The following ARHGAP6 variants were observed in gnomAD, a reference collection of about 807,000 sequenced individuals.
ARHGAP6 encodes the protein rho GTPase-activating protein 6.
A neutral mutation model predicts 55.7 loss-of-function variants in ARHGAP6; 16 were observed. The ratio of observed to expected loss-of-function variants is 0.29; its 90% CI spans 0.19 to 0.44. The LOEUF is 0.44. ARHGAP6 is among the 20% of genes least tolerant of loss of function. The pLI is 1.00. For missense variants in ARHGAP6, 698 were observed against 808.9 expected (o/e 0.86, Z 1.66); for synonymous variants, 382 against 360.9 (o/e 1.06, Z -0.66).
At chrX:11,657,885 C>A (rs1444777714) in intron 1 of ARHGAP6, among the ~76,000 whole-genome samples, 2 of 111,460 alleles carry the variant, frequency 1.8e-5, no homozygotes, top group Admixed American at 1.9e-4. Flanking sequence ...AGGGAGGGGA[C>A]GTGGTACTCT....
At chrX:11,359,685 A>G (rs2048982717) in intron 1 of ARHGAP6, among the ~76,000 whole-genome samples, 1 of 105,847 alleles carries the variant, frequency 9.4e-6, no homozygotes, top group African/African-American at 3.4e-5. Flanking sequence ...TAGAGACACA[A>G]AAAACCCTTC....
intron 1 of ARHGAP6, among the ~76,000 whole-genome samples, chrX:11,453,975 G>A (rs1603215043): frequency 9.0e-6 from 1 of 111,044 alleles, no homozygotes; most frequent in African/African-American, 3.3e-5. Flanking sequence ...ATGGAGTCTC[G>A]CTCTGTTGCC....
At chrX:11,477,172 A>C (rs1403192429) in intron 1 of ARHGAP6, among the ~76,000 whole-genome samples, 10 of 109,322 alleles carry the variant, frequency 9.1e-5, no homozygotes, top group African/African-American at 9.9e-5. Flanking sequence ...AAAAAAAAAA[A>C]AACAATTTTT....
Position 11,188,944 on chromosome X carries a change from G to T in ARHGAP6, c.861C>A (p.Val287=). ...PQAFGMPLSQ[V]IANDRAYKLK... ...GTTTATAGGCCCTGTCATTCGCAAT[G>T]ACTTGGGATAAGGGCATTCCAAATG... The change falls in exon 4 of 13, where the codon GTC becomes GTA. Residue 287 remains valine, a synonymous_variant. Transcript: ENST00000337414. 1.7e-6 allele frequency: 2 copies of T among 1,211,525 alleles called. No homozygotes were observed. The highest frequency in any genetic ancestry group is 2.2e-6 in the Non-Finnish European group (2 of 895,417).
At chrX:11,621,455 G>T (rs1294393518) in intron 1 of ARHGAP6, among the ~76,000 whole-genome samples, 1 of 108,212 alleles carries the variant, frequency 9.2e-6, no homozygotes, top group Non-Finnish European at 1.9e-5. Context: ...ATAAGAATAG[G>T]TGAATATAAA....
intron 1 of ARHGAP6, among the ~76,000 whole-genome samples, chrX:11,418,612 G>T (rs1442022677): frequency 1.8e-5 from 2 of 111,240 alleles, no homozygotes; most frequent in African/African-American, 6.5e-5. Context: ...TTAGACCAGG[G>T]CACTTTAAAG....
intron 10 of ARHGAP6, among the ~76,000 whole-genome samples, chrX:11,149,025 G>T (rs1185675332): frequency 3.6e-5 from 4 of 112,024 alleles, no homozygotes; most frequent in Non-Finnish European, 7.5e-5. Context: ...TAGGGATAAA[G>T]GTACCCCACT....
intron 1 of ARHGAP6, among the ~76,000 whole-genome samples, chrX:11,475,058 G>T (rs1052611072): frequency 1.8e-5 from 2 of 111,060 alleles, no homozygotes; most frequent in East Asian, 5.6e-4. Context: ...TCTTTTCTTT[G>T]TAAATTACAT....
chrX:11,193,908 G>A (rs1488362772), intron 3 of ARHGAP6, among the ~76,000 whole-genome samples: 1 of 112,756 alleles, frequency 8.9e-6, no homozygotes, highest in South Asian at 3.6e-4. Context: ...ATTCTGTTGA[G>A]GGAACCTCCT....
intron 1 of ARHGAP6, among the ~76,000 whole-genome samples, chrX:11,286,079 C>T (rs2047918456): frequency 8.9e-6 from 1 of 112,024 alleles, no homozygotes; most frequent in African/African-American, 3.2e-5. Context: ...CAGCCCAAAT[C>T]CAAATTTAGA....
At chrX:11,242,179 A>C (rs2047291951) in intron 2 of ARHGAP6, among the ~76,000 whole-genome samples, 1 of 112,412 alleles carries the variant, frequency 8.9e-6, no homozygotes, top group African/African-American at 3.2e-5. Flanking sequence ...CGAACCTCAA[A>C]GCAAGTGGTT....
At chrX:11,653,207 A>G (rs2052605604) in intron 1 of ARHGAP6, among the ~76,000 whole-genome samples, 1 of 112,282 alleles carries the variant, frequency 8.9e-6, no homozygotes, top group African/African-American at 3.2e-5. Flanking sequence ...AAAGTGTCTA[A>G]ATGCAATGAA....
At chrX:11,383,782 T>C (rs1346573333) in intron 1 of ARHGAP6, among the ~76,000 whole-genome samples, 1 of 111,777 alleles carries the variant, frequency 8.9e-6, no homozygotes, top group East Asian at 2.8e-4. Flanking sequence ...AGAAATAAGC[T>C]AAGGAGTGAT....
At chrX:11,569,417 G>A (rs1569401709) in intron 1 of ARHGAP6, among the ~76,000 whole-genome samples, 1 of 111,757 alleles carries the variant, frequency 8.9e-6, no homozygotes. Context: ...TGTCATGGGT[G>A]GCTAGTGCAG....
intron 1 of ARHGAP6, among the ~76,000 whole-genome samples, chrX:11,633,363 C>G (rs1008851951): frequency 8.9e-6 from 1 of 112,165 alleles, no homozygotes; most frequent in African/African-American, 3.2e-5. Context: ...ATAAGCTTGC[C>G]TATGAGTAGG....
At chrX:11,505,452 G>A (rs771045055) in intron 1 of ARHGAP6, among the ~76,000 whole-genome samples, 1 of 111,526 alleles carries the variant, frequency 9.0e-6, no homozygotes, top group African/African-American at 3.3e-5. Context: ...CTATTGGCAG[G>A]AGTGTAAATT....
chrX:11,290,436 T>C (rs772713297), intron 1 of ARHGAP6: 5 of 378,707 alleles, frequency 1.3e-5, no homozygotes, highest in Non-Finnish European at 2.6e-5. Flanking sequence ...TCGGAATTCA[T>C]CGGTGGTTTT....
intron 1 of ARHGAP6, among the ~76,000 whole-genome samples, chrX:11,539,516 C>T (rs1311301018): frequency 8.9e-6 from 1 of 111,812 alleles, no homozygotes; most frequent in East Asian, 2.8e-4. Flanking sequence ...AGTTGCCTAC[C>T]CTGCTGAATG....
At chrX:11,662,076 C>T (rs776176220) in intron 1 of ARHGAP6, among the ~76,000 whole-genome samples, 5 of 112,015 alleles carry the variant, frequency 4.5e-5, no homozygotes, top group Admixed American at 1.9e-4. Flanking sequence ...CTATATGAAC[C>T]AGATATTCCC....
Sources: gnomAD v4.1 joint callset for allele counts (sites outside exome capture counted in the v4.1 genomes callset) on GRCh38, gnomAD v4.1.1 for gene constraint, MANE v1.5 for transcripts, NCBI Gene and HGNC (gene_info 2026-07-23, HGNC 2026-07-21) for gene names.